Variants in CFTR observed in about 807,000 individuals in gnomAD.
The protein encoded by CFTR is cystic fibrosis transmembrane conductance regulator.
In CFTR, 181 loss-of-function variants were observed where a neutral mutation model predicts 171.6. The ratio of observed to expected loss-of-function variants is 1.05; its 90% CI spans 0.93 to 1.19. CFTR has a LOEUF of 1.19. Among genes scored for constraint, CFTR ranks in the 50% most tolerant of loss-of-function variants. The pLI is 0.00. For synonymous variants in CFTR, 583 were observed against 608.0 expected (o/e 0.96, Z 0.60); for missense variants, 1,968 against 1,734.7 (o/e 1.13, Z -2.39).
intron 22 of CFTR, among the ~76,000 whole-genome samples, chr7:117,629,690 C>T (rs150265349): frequency 5.2e-4 from 79 of 152,254 alleles, no homozygotes; most frequent in African/African-American, 1.9e-3. Flanking sequence ...ACATGGGTGA[C>T]TCCATTTTTA....
Position 117,664,874 on chromosome 7 carries a change from G to C in CFTR, c.4136+14G>C. ...TTTGGATCCAGTGTGAGTTTCAGAT[G>C]TTCTGTTACTTAATAGCACAGTGGG... On this transcript the variant is annotated intron_variant, in intron 25 of 26. Coordinates refer to ENST00000003084, the MANE Select transcript of CFTR (RefSeq NM_000492.4). 6.2e-7 allele frequency: 1 copy of C among 1,613,210 alleles called. No homozygotes were observed. Among genetic ancestry groups the C allele is most frequent in the Non-Finnish European group, 8.5e-7 (1 of 1,179,250 alleles).
rs1791744714 is a variant in CFTR at position 117,574,550 on chromosome 7, A to C, written c.1585-13189A>C. ...GGAATCTTTTATTTTCACACTTTTA[A>C]AGGTAATCTGTATTTCTAGCGTCTA... On this transcript the variant is annotated intron_variant, in intron 11 of 26. Transcript: ENST00000003084. Among the ~76,000 whole-genome samples, 3 of 152,086 alleles carry C rather than the reference A, an allele frequency of 2.0e-5. No homozygotes were observed. In the South Asian group the frequency reaches 6.2e-4, roughly 31 times the overall value.
At chr7:117,517,008 G>A (rs930518606) in intron 3 of CFTR, among the ~76,000 whole-genome samples, 3 of 151,796 alleles carry the variant, frequency 2.0e-5, no homozygotes, top group Non-Finnish European at 4.4e-5. Context: ...TGTGCAGAAT[G>A]TGCAGGTTTG....
chr7:117,534,472 G>C (rs888939277), intron 5 of CFTR, 107 bp downstream of exon 5: 20 of 710,804 alleles, frequency 2.8e-5, no homozygotes, highest in Non-Finnish European at 4.3e-5. Flanking sequence ...GTTAAGTCTT[G>C]CTCAGCTCTA....
intron 1 of CFTR, among the ~76,000 whole-genome samples, chr7:117,481,372 CT>C (rs1014611102): frequency 6.6e-6 from 1 of 152,128 alleles, no homozygotes; most frequent in African/African-American, 2.4e-5. Context: ...AAATTATAGA[CT>C]TTTTTTAGCA....
chr7:117,480,767 G>A (rs774629882), intron 1 of CFTR, among the ~76,000 whole-genome samples: 2 of 152,126 alleles, frequency 1.3e-5, no homozygotes, highest in Non-Finnish European at 2.9e-5. Context: ...AAAGCCATAG[G>A]AATAGATACC....
intron 11 of CFTR, among the ~76,000 whole-genome samples, chr7:117,585,002 G>A (rs1390036158): frequency 6.6e-6 from 1 of 151,810 alleles, no homozygotes; most frequent in Non-Finnish European, 1.5e-5. Context: ...TTGATTCTCA[G>A]CTTGGTTGTT....
At position 117,642,556 on chromosome 7, in the gene CFTR, T is replaced by C. The variant is rs1286786026; in HGVS notation, c.3836T>C (p.Leu1279Ser). 4 of 1,613,532 alleles carry C rather than the reference T, an allele frequency of 2.5e-6. No homozygotes were observed. In the East Asian group the frequency reaches 8.9e-5, roughly 36 times the overall value. ...IDGVSWDSIT[L>S]QQWRKAFGVI... is the part of the protein sequence containing the mutation. ...GGTGTGTCTTGGGATTCAATAACTTTGCAACAGTGGAGGAAAGCCTTTGGA... is the reference window on the plus strand; with the variant it reads ...GGTGTGTCTTGGGATTCAATAACTTCGCAACAGTGGAGGAAAGCCTTTGGA... The change falls in exon 23 of 27, where the codon TTG becomes TCG. Residue 1279 changes from leucine to serine, a missense_variant. Physicochemically the swap from Leu to Ser is moderately radical, Grantham distance 145. Coordinates refer to ENST00000003084, the MANE Select transcript of CFTR (RefSeq NM_000492.4).
intron 23 of CFTR, among the ~76,000 whole-genome samples, chr7:117,652,502 T>C (rs189239412): frequency 2.0e-5 from 3 of 152,280 alleles, no homozygotes; most frequent in East Asian, 1.9e-4. Context: ...CCTTTTAATT[T>C]TATATTACAT....
chr7:117,638,510 C>T (rs956451407), intron 22 of CFTR, among the ~76,000 whole-genome samples: 20 of 151,926 alleles, frequency 1.3e-4, no homozygotes, highest in African/African-American at 3.1e-4. Flanking sequence ...CCAAGGCAGG[C>T]GGATCACTTG....
chr7:117,511,690 C>G (rs1281464910), intron 3 of CFTR, among the ~76,000 whole-genome samples: 1 of 152,110 alleles, frequency 6.6e-6, no homozygotes, highest in African/African-American at 2.4e-5. Flanking sequence ...TCACCCTTGT[C>G]ATAGAGAAAA....
At chr7:117,653,070 T>A in intron 24 of CFTR, 139 bp downstream of exon 24, 1 of 691,730 alleles carries the variant, frequency 1.4e-6, no homozygotes, top group Non-Finnish European at 2.7e-6. Context: ...CTAACATACC[T>A]GGAGCAACAG....
At position 117,489,955 on chromosome 7, in the gene CFTR, C is replaced by G. The variant is rs937011836; in HGVS notation, c.53+9808C>G. Reference sequence around the variant, plus strand: ...GAAAACCACTGACTTAATTCTTCCCCCATCTTGGTTGTTCCTGATCTTCCC... The same window carrying G: ...GAAAACCACTGACTTAATTCTTCCCGCATCTTGGTTGTTCCTGATCTTCCC... On this transcript the variant is annotated intron_variant, in intron 1 of 26. Transcript: ENST00000003084. Among the ~76,000 whole-genome samples the G allele has an allele frequency of 8.6e-5, 13 of 151,956 alleles. 1 individual carries two copies. Among genetic ancestry groups the G allele is most frequent in the African/African-American group, 3.1e-4 (13 of 41,380 alleles).
intron 8 of CFTR, 118 bp from the exon 9 acceptor site, chr7:117,541,898 T>C: frequency 2.2e-6 from 1 of 451,068 alleles, no homozygotes; most frequent in South Asian, 4.7e-5. Context: ...AAATAATTAC[T>C]ATTTCATTAT....
chr7:117,575,157 C>T (rs527820846), intron 11 of CFTR, among the ~76,000 whole-genome samples: 1 of 152,182 alleles, frequency 6.6e-6, no homozygotes, highest in South Asian at 2.1e-4. Flanking sequence ...TTAAATTTCA[C>T]TAGATACTGC....
chr7:117,590,573 A>G (rs1792011046), intron 13 of CFTR, 134 bp downstream of exon 13: 1 of 1,137,278 alleles, frequency 8.8e-7, no homozygotes, highest in Non-Finnish European at 1.2e-6. Context: ...GTAGCATGGT[A>G]TTAACTCAAA....
intron 11 of CFTR, among the ~76,000 whole-genome samples, chr7:117,574,511 T>C (rs924547633): frequency 1.3e-5 from 2 of 152,078 alleles, no homozygotes; most frequent in African/African-American, 4.8e-5. Flanking sequence ...GAACATCAAA[T>C]CTTCTCAGAT....
At chr7:117,484,486 T>C (rs533880648) in intron 1 of CFTR, among the ~76,000 whole-genome samples, 1 of 152,318 alleles carries the variant, frequency 6.6e-6, no homozygotes, top group African/African-American at 2.4e-5. Flanking sequence ...CAATGTTGTC[T>C]GAACACTAAC....
chr7:117,501,747 C>CAAAAAA (rs1212853305), intron 1 of CFTR, among the ~76,000 whole-genome samples: 40 of 43,858 alleles, frequency 9.1e-4, no homozygotes, highest in Non-Finnish European at 1.4e-3. Flanking sequence ...AACTCTGTCT[C>CAAAAAA]AAAAAAAAAA....
Sources: gnomAD v4.1 joint callset for allele counts (sites outside exome capture counted in the v4.1 genomes callset) on GRCh38, gnomAD v4.1.1 for gene constraint, MANE v1.5 for transcripts, NCBI Gene and HGNC (gene_info 2026-07-23, HGNC 2026-07-21) for gene names.